The following NDST3 variants were observed in gnomAD, a reference collection of about 807,000 sequenced individuals.
The protein encoded by NDST3 is N-deacetylase and N-sulfotransferase 3, also known as bifunctional heparan sulfate N-deacetylase/N-sulfotransferase 3.
NDST3 carries 58 observed loss-of-function variants against 96.1 expected under a neutral mutation model. That is an observed-to-expected ratio of 0.60 (90% CI 0.49 to 0.75). NDST3 has a LOEUF of 0.75. NDST3 is among the 30% of genes least tolerant of loss of function. The probability of loss-of-function intolerance (pLI) is 0.00; values close to 1 mark genes in which losing one functional copy is unlikely to be tolerated. For missense variants in NDST3, 788 were observed against 1,034.2 expected (o/e 0.76, Z 3.27); for synonymous variants, 333 against 359.7 (o/e 0.93, Z 0.84).
At chr4:118,056,672 T>C (rs961740953) in intron 2 of NDST3, among the ~76,000 whole-genome samples, 3 of 151,964 alleles carry the variant, frequency 2.0e-5, no homozygotes, top group African/African-American at 4.8e-5. Flanking sequence ...AGATAGAATC[T>C]TGAACTGTAG....
chr4:118,170,911 C>A (rs146868854), intron 6 of NDST3, among the ~76,000 whole-genome samples: 1 of 152,054 alleles, frequency 6.6e-6, no homozygotes, highest in Admixed American at 6.6e-5. Flanking sequence ...TGCTCACAAC[C>A]CTCCAATCTT....
intron 3 of NDST3, among the ~76,000 whole-genome samples, chr4:118,109,326 T>C (rs1730455032): frequency 6.6e-6 from 1 of 151,452 alleles, no homozygotes; most frequent in South Asian, 2.1e-4. Flanking sequence ...AGGGAGAGAG[T>C]AGGAAGAGAC....
intron 2 of NDST3, among the ~76,000 whole-genome samples, chr4:118,073,741 A>T (rs1362017391): frequency 6.6e-6 from 1 of 151,116 alleles, no homozygotes; most frequent in Non-Finnish European, 1.5e-5. Context: ...TTCACATCTC[A>T]GTTTCATTAA....
At chr4:118,038,709 A>G in intron 1 of NDST3, among the ~76,000 whole-genome samples, 1 of 152,328 alleles carries the variant, frequency 6.6e-6, no homozygotes, top group Non-Finnish European at 1.5e-5. Flanking sequence ...TATAAAATAT[A>G]GTTTTATAGT....
intron 5 of NDST3, 112 bp downstream of exon 5, chr4:118,138,351 G>T: frequency 1.2e-6 from 1 of 869,472 alleles, no homozygotes; most frequent in Admixed American, 3.0e-5. Flanking sequence ...AAAGCTCCAT[G>T]CTGCAGGAAG....
At chr4:118,122,904 T>A (rs532660423) in intron 4 of NDST3, among the ~76,000 whole-genome samples, 9 of 152,274 alleles carry the variant, frequency 5.9e-5, no homozygotes, top group African/African-American at 2.2e-4. Context: ...CTTATATAAA[T>A]TTTCCAGTGA....
At chr4:118,150,266 C>A (rs1429852256) in intron 6 of NDST3, among the ~76,000 whole-genome samples, 2 of 152,082 alleles carry the variant, frequency 1.3e-5, no homozygotes, top group Non-Finnish European at 2.9e-5. Flanking sequence ...TGATGCTGGC[C>A]TCATACCATA....
chr4:118,226,201 C>T (rs1003498830), intron 7 of NDST3, among the ~76,000 whole-genome samples: 15 of 151,980 alleles, frequency 9.9e-5, no homozygotes. Flanking sequence ...ATAATATATA[C>T]TTTGTTCTTA....
In NDST3 at chr4:118,053,915, G is replaced by A. The variant is rs763790625; in HGVS notation, c.5G>A (p.Ser2Asn). The A allele has an allele frequency of 1.3e-6, 2 of 1,597,576 alleles. No homozygotes were observed. The highest frequency in any genetic ancestry group is 2.7e-5 in the African/African-American group (2 of 74,308). The change falls in exon 2 of 14, where the codon AGT becomes AAT. Residue 2 changes from serine (S) to asparagine (N), a missense_variant. By Grantham distance (46) the Ser-to-Asn change is conservative (BLOSUM62 1). Transcript: ENST00000296499. M[S>N]FIMKLHRHFQ... ...GTTGGGGAAAGCACCTACAACATGA[G>A]TTTTATCATGAAGCTTCACAGACAC...
chr4:118,050,352 A>G (rs1372251078), intron 1 of NDST3, among the ~76,000 whole-genome samples: 1 of 152,058 alleles, frequency 6.6e-6, no homozygotes, highest in Non-Finnish European at 1.5e-5. Flanking sequence ...CACCACTCCT[A>G]TAGCACTGGA....
chr4:118,168,755 G>A (rs972119688), intron 6 of NDST3, among the ~76,000 whole-genome samples: 13 of 152,168 alleles, frequency 8.5e-5, no homozygotes, highest in African/African-American at 2.9e-4. Flanking sequence ...GGTAAAAAAC[G>A]TAGTATATTC....
chr4:118,114,087 T>C (rs1439763411), intron 3 of NDST3, among the ~76,000 whole-genome samples: 4 of 151,736 alleles, frequency 2.6e-5, no homozygotes, highest in African/African-American at 4.8e-5. Flanking sequence ...GGCTGACCCT[T>C]AAGGAAAAAA....
At chr4:118,122,768 T>A (rs1415924962) in intron 4 of NDST3, among the ~76,000 whole-genome samples, 1 of 152,200 alleles carries the variant, frequency 6.6e-6, no homozygotes, top group African/African-American at 2.4e-5. Context: ...AGATAAATTG[T>A]TGAGCTCCAA....
intron 6 of NDST3, among the ~76,000 whole-genome samples, chr4:118,171,986 C>A (rs776340443): frequency 7.9e-5 from 12 of 152,130 alleles, no homozygotes; most frequent in Admixed American, 3.9e-4. Flanking sequence ...TCCATGTCCC[C>A]TTCTGTAAAA....
intron 1 of NDST3, among the ~76,000 whole-genome samples, chr4:118,044,274 T>C (rs146604754): frequency 2.8e-4 from 42 of 152,324 alleles, no homozygotes; most frequent in African/African-American, 9.9e-4. Flanking sequence ...ATTATAGTCA[T>C]AAGAACGTAC....
intron 9 of NDST3, among the ~76,000 whole-genome samples, chr4:118,233,646 C>A (rs1740455039): frequency 1.3e-5 from 2 of 151,986 alleles, no homozygotes; most frequent in Non-Finnish European, 2.9e-5. Flanking sequence ...TAATTCTTGC[C>A]TTTGAATCAA....
intron 4 of NDST3, among the ~76,000 whole-genome samples, chr4:118,124,746 C>T (rs562101949): frequency 3.3e-5 from 5 of 152,088 alleles, no homozygotes; most frequent in South Asian, 2.1e-4. Flanking sequence ...ATCTCTTTTC[C>T]GGAGATGAGT....
At chr4:118,248,694 A>T (rs1741472603) in intron 12 of NDST3, among the ~76,000 whole-genome samples, 1 of 152,214 alleles carries the variant, frequency 6.6e-6, no homozygotes, top group South Asian at 2.1e-4. Context: ...AATGGTTGCC[A>T]GTGCTTACAT....
At chr4:118,103,706 C>A (rs1729946070) in intron 2 of NDST3, among the ~76,000 whole-genome samples, 1 of 152,102 alleles carries the variant, frequency 6.6e-6, no homozygotes, top group Non-Finnish European at 1.5e-5. Context: ...GCTGTCAGTT[C>A]ATTCTTTTGC....
Sources: gnomAD v4.1 joint callset for allele counts (sites outside exome capture counted in the v4.1 genomes callset) on GRCh38, gnomAD v4.1.1 for gene constraint, MANE v1.5 for transcripts, NCBI Gene and HGNC (gene_info 2026-07-23, HGNC 2026-07-21) for gene names.